ARVCF: variants seen among roughly 807,000 people sequenced by gnomAD.
The protein encoded by ARVCF is ARVCF delta catenin family member, also known as splicing regulator ARVCF.
ARVCF carries 66 observed loss-of-function variants against 90.9 expected under a neutral mutation model. The ratio of observed to expected loss-of-function variants is 0.73; its 90% CI spans 0.60 to 0.89. The LOEUF is 0.89. ARVCF is among the 40% of genes least tolerant of loss of function. The probability of loss-of-function intolerance (pLI) is 0.00; values close to 1 mark genes in which losing one functional copy is unlikely to be tolerated. For synonymous variants in ARVCF, 653 were observed against 603.4 expected, an observed-to-expected ratio of 1.08 and a Z score of -1.21; for missense variants, 1,469 against 1,382.3, an observed-to-expected ratio of 1.06 and a Z score of -1.00.
intron 2 of ARVCF, among the ~76,000 whole-genome samples, chr22:19,996,969 G>A (rs1418239580): frequency 6.6e-6 from 1 of 152,248 alleles, no homozygotes; most frequent in Non-Finnish European, 1.5e-5. Flanking sequence ...GATCATGTGA[G>A]GGACCACTCC....
Position 19,977,496 on chromosome 22 carries a change from G to A in ARVCF, c.1789C>T (p.Pro597Ser). Residue 597 changes from proline to serine, a missense_variant, in exon 9 of 20, where the codon CCC becomes TCC. Coordinates refer to ENST00000263207, the MANE Select transcript of ARVCF (RefSeq NM_001670.3). ...CCTACAGCACTGCCCAGGGGCCCGGGCTCGGCCTCCTGGTACCTGTCGGCC... is the reference window on the plus strand; with the variant it reads ...CCTACAGCACTGCCCAGGGGCCCGGACTCGGCCTCCTGGTACCTGTCGGCC... ...PGADRYQEAE[P>S]GPLGSAVGSQ... 6.9e-6 allele frequency: 11 copies of A among 1,598,724 alleles called. No individual in the cohort carries two copies. The highest frequency in any genetic ancestry group is 9.4e-6 in the Non-Finnish European group (11 of 1,171,824).
Position 19,981,471 on chromosome 22 carries a change from G to A in ARVCF, c.636C>T (p.Pro212=). 6.5e-7 allele frequency: 1 copy of A among 1,545,910 alleles called. No individual in the cohort carries two copies. The highest frequency in any genetic ancestry group is 8.7e-7 in the Non-Finnish European group (1 of 1,148,040). Residue 212 remains proline, a synonymous_variant, in exon 5 of 20, where the codon CCC becomes CCT. Coordinates refer to ENST00000263207, the MANE Select transcript of ARVCF (RefSeq NM_001670.3). ...CTGGGCCAAGGGGGCCAGCACGTGG[G>A]GGCCGCATGCCCAGCCCTCGGGACA... ...GSLSRGLGMR[P]PRAGPLGPGP...
intron 4 of ARVCF, 69 bp from the exon 5 acceptor site, chr22:19,981,806 C>A: frequency 6.5e-7 from 1 of 1,549,534 alleles, no homozygotes; most frequent in South Asian, 1.2e-5. Context: ...TGGGGTCTGG[C>A]TGGCCTTAAT....
At position 19,988,837 on chromosome 22, in the gene ARVCF, C is replaced by T. The variant is rs1379882490; in HGVS notation, c.210+1748G>A. Among the ~76,000 whole-genome samples, 2 of 150,028 alleles carry T rather than the reference C, an allele frequency of 1.3e-5. 1 individual carries two copies. The highest frequency in any genetic ancestry group is 3.9e-4 in the East Asian group (2 of 5,074). On this transcript the variant is annotated intron_variant, in intron 3 of 19. Transcript: ENST00000263207. ...AACACATGCTCTCTTCAATCCCAGC[C>T]TGAGAAAATCAAGGGTAGGGGGTCG...
chr22:19,969,313 C>T (rs927478549), downstream of ARVCF: 4 of 154,162 alleles, frequency 2.6e-5, no homozygotes, highest in Non-Finnish European at 5.8e-5. Context: ...ACCAAGCAGG[C>T]GCTGGGGACA....
chr22:19,992,817 G>C (rs1320957855), intron 2 of ARVCF, among the ~76,000 whole-genome samples: 2 of 152,166 alleles, frequency 1.3e-5, no homozygotes, highest in Non-Finnish European at 2.9e-5. Flanking sequence ...TTGGGCTGCA[G>C]ACCCTGCGGA....
At chr22:20,014,484 T>A (rs1327714928) in intron 1 of ARVCF, among the ~76,000 whole-genome samples, 1 of 152,246 alleles carries the variant, frequency 6.6e-6, no homozygotes, top group Non-Finnish European at 1.5e-5. Context: ...CATGAGCCAC[T>A]GCGCCCGGCC....
Position 19,979,789 on chromosome 22 carries a change from G to C in ARVCF, c.1350C>G (p.Arg450=). The change falls in exon 6 of 20, where the codon CGC becomes CGG. Residue 450 remains arginine, a synonymous_variant. Transcript: ENST00000263207. The part of the protein sequence containing the change: ...RDCGGVPALV[R]LLRAARDNEV... ...CGTTGTCCCGGGCAGCCCTCAGCAG[G>C]CGCACCAGGGCAGGCACACCACCGC... 2.5e-6 allele frequency: 4 copies of C among 1,608,454 alleles called. No homozygotes were observed. In the South Asian group the frequency reaches 4.4e-5, roughly 18 times the overall value.
Position 19,971,397 on chromosome 22 carries a change from G to A in ARVCF, c.2782-62C>T, listed in dbSNP as rs187874117. 7.1e-5 allele frequency: 107 copies of A among 1,511,196 alleles called. No individual in the cohort carries two copies. In the East Asian group the frequency reaches 2.5e-3, roughly 35 times the overall value. 93.6% of individuals were successfully genotyped at this position (1,511,196 alleles called of 1,614,324 possible). A position where few individuals can be genotyped will look rare whatever the true frequency, so the allele number is the denominator to read the frequency against. On this transcript the variant is annotated intron_variant, in intron 18 of 19. Coordinates refer to ENST00000263207, the MANE Select transcript of ARVCF (RefSeq NM_001670.3). ...GCAGGTTAGTTAGAGCTCCTGGGGG[G>A]ACAGGGCAGGGGCAGGGCCGAGGCT...
rs1945214810 is a variant in ARVCF, at chr22:20,016,819, T to C, written c.-303A>G. On this transcript the variant is annotated 5_prime_UTR_variant, in exon 1 of 20. Transcript: ENST00000263207. Reference sequence around the variant, plus strand: ...AGCCCTCCCGCCCTCACGCGGCCCGTGCGCAAAGCGGACCGGGCCGGCGAC... The same window carrying C: ...AGCCCTCCCGCCCTCACGCGGCCCGCGCGCAAAGCGGACCGGGCCGGCGAC... The C allele has an allele frequency of 6.6e-6, 1 of 151,260 alleles. No individual in the cohort carries two copies. The highest frequency in any genetic ancestry group is 2.4e-5 in the African/African-American group (1 of 41,182). 9.4% of individuals were successfully genotyped at this position (151,260 alleles called of 1,614,324 possible).
chr22:19,972,461 C>T (rs368737055), intron 16 of ARVCF, 50 bp from the exon 17 acceptor site: 30 of 1,609,610 alleles, frequency 1.9e-5, no homozygotes, highest in African/African-American at 9.3e-5. Flanking sequence ...CAGGGGGGAT[C>T]GGGGCAGAGA....
At chr22:19,969,261 C>G (rs1942606935), downstream of ARVCF, 1 of 155,328 alleles carries the variant, frequency 6.4e-6, no homozygotes, top group Non-Finnish European at 1.4e-5. Context: ...GACTGCCGGC[C>G]TGGGAAACGA....
chr22:19,973,481 C>T (rs1334726241), intron 13 of ARVCF, among the ~76,000 whole-genome samples, 162 bp downstream of exon 13: 1 of 148,904 alleles, frequency 6.7e-6, no homozygotes, highest in Non-Finnish European at 1.5e-5. Context: ...GCTTCAGAGA[C>T]AGGGCCGGGG....
intron 2 of ARVCF, among the ~76,000 whole-genome samples, chr22:20,005,573 A>G (rs1944591216): frequency 6.6e-6 from 1 of 152,156 alleles, no homozygotes; most frequent in South Asian, 2.1e-4. Context: ...TAATCCCAAC[A>G]CTTTGGGAGG....
chr22:20,001,051 C>T (rs970878838), intron 2 of ARVCF, among the ~76,000 whole-genome samples: 1 of 152,210 alleles, frequency 6.6e-6, no homozygotes, highest in African/African-American at 2.4e-5. Flanking sequence ...CACTCGTCCA[C>T]ACCCATATGG....
At chr22:19,967,273 C>T (rs1358503107), downstream of ARVCF, 2 of 1,221,020 alleles carry the variant, frequency 1.6e-6, no homozygotes, top group Admixed American at 2.3e-5. Context: ...AGCCCAGGCC[C>T]CTCACTCATG....
intron 2 of ARVCF, among the ~76,000 whole-genome samples, chr22:20,006,404 C>T (rs1394642784): frequency 1.1e-4 from 17 of 151,610 alleles, no homozygotes; most frequent in African/African-American, 2.4e-5. Flanking sequence ...GGTGAAACCC[C>T]GTCTCTACTA....
At position 19,979,936 on chromosome 22, in the gene ARVCF, C is replaced by A. The variant is rs563774001; in HGVS notation, c.1203G>T (p.Gly401=). ...GVKRRVRQLR[G]LPLLVALLDH... is the part of the protein sequence containing the mutation. ...CCAGCAGTGCCACAAGCAGCGGCAG[C>A]CCCCGCAACTGCCGTACACGCCGCT... The change falls in exon 6 of 20, where the codon GGG becomes GGT. Residue 401 remains glycine (G), a synonymous_variant. Transcript: ENST00000263207. 1 of 1,595,152 alleles carries A rather than the reference C, an allele frequency of 6.3e-7. No individual in the cohort carries two copies. Among genetic ancestry groups the A allele is most frequent in the Non-Finnish European group, 8.5e-7 (1 of 1,171,616 alleles).
chr22:19,970,415 A>G lies in ARVCF; in HGVS notation c.*341T>C, dbSNP rs912110461. ...ACTGTGTTCCCAGGGGCACCCTCCT[A>G]TCCCACCAGCCCCAAAGCCCAGCCA... is the stretch of plus-strand genomic sequence containing the variant. On this transcript the variant is annotated 3_prime_UTR_variant, in exon 20 of 20. Transcript: ENST00000263207. 9.5e-7 allele frequency: 1 copy of G among 1,049,000 alleles called. No homozygotes were observed. The allele number at this position is 1,049,000 out of a possible 1,614,324, so 65.0% of individuals were successfully genotyped here. A position where few individuals can be genotyped will look rare whatever the true frequency, so the allele number is the denominator to read the frequency against.
Sources: allele counts gnomAD v4.1 joint callset (sites outside exome capture counted in the v4.1 genomes callset), GRCh38; gene constraint gnomAD v4.1.1; transcripts MANE v1.5; gene names NCBI Gene and HGNC (gene_info 2026-07-23, HGNC 2026-07-21).